ZNF728: variants seen among roughly 807,000 people sequenced by gnomAD.
The protein encoded by ZNF728 is zinc finger protein 728.
Under a neutral mutation model 12.5 loss-of-function variants are expected in ZNF728, and 12 were observed. That is an observed-to-expected ratio of 0.96 (90% CI 0.61 to 1.55). The LOEUF (loss-of-function observed/expected upper bound fraction) is 1.55, where lower values mean the gene tolerates loss of function less well. Among genes scored for constraint, ZNF728 ranks in the 40% most tolerant of loss-of-function variants. The pLI, the probability that ZNF728 is intolerant of heterozygous loss-of-function variation, is 0.00. For synonymous variants in ZNF728, 205 were observed against 240.7 expected, an observed-to-expected ratio of 0.85 and a Z score of 1.37; for missense variants, 692 against 719.2, an observed-to-expected ratio of 0.96 and a Z score of 0.43.
At chr19:22,994,080 T>C (rs899825908) in intron 1 of ZNF728, among the ~76,000 whole-genome samples, 2 of 152,164 alleles carry the variant, frequency 1.3e-5, no homozygotes, top group African/African-American at 2.4e-5. Context: ...TTACTCTGAT[T>C]GGGCCCCATG....
chr19:22,986,176 A>C (rs1371847194), intron 3 of ZNF728, among the ~76,000 whole-genome samples: 3 of 152,180 alleles, frequency 2.0e-5, no homozygotes, highest in Non-Finnish European at 4.4e-5. Flanking sequence ...TAAAAACTTT[A>C]AGAGGTGTTT....
At chr19:22,985,458 C>A (rs1968905733) in intron 3 of ZNF728, among the ~76,000 whole-genome samples, 1 of 152,162 alleles carries the variant, frequency 6.6e-6, no homozygotes, top group Non-Finnish European at 1.5e-5. Context: ...GAGACCCCAT[C>A]TCAAAAATAA....
rs140195691 is a variant in ZNF728 at position 22,996,695 on chromosome 19, G to C, written c.3+6333C>G. The stretch of plus-strand genomic sequence containing the variant: ...GATAAAGACAATTCTGAGTCAAAAA[G>C]AATGACAAAAGGTTTGTTTCATTGT... On this transcript the variant is annotated intron_variant, in intron 1 of 3. Transcript: ENST00000594710. 1.6e-4 allele frequency among the ~76,000 whole-genome samples: 24 copies of C among 152,216 alleles called. No individual in the cohort carries two copies. The East Asian group carries it at 4.2e-3, about 27-fold the overall frequency.
chr19:22,999,654 T>C (rs1413131779), intron 1 of ZNF728, among the ~76,000 whole-genome samples: 3 of 152,132 alleles, frequency 2.0e-5, no homozygotes, highest in Non-Finnish European at 4.4e-5. Flanking sequence ...CAAAAACATA[T>C]AAGAAAATTT....
At chr19:22,990,665 G>A (rs1158759049) in intron 1 of ZNF728, among the ~76,000 whole-genome samples, 3 of 151,296 alleles carry the variant, frequency 2.0e-5, no homozygotes, top group Non-Finnish European at 4.4e-5. Context: ...TAACTCTCAT[G>A]AATGTATTAT....
Position 22,976,527 on chromosome 19 carries a change from G to T in ZNF728, c.810C>A (p.Ser270Arg). Residue 270 changes from serine (S) to arginine (R), a missense_variant, in exon 4 of 4, where the codon AGC becomes AGA. Ser to Arg is a moderately radical substitution (Grantham distance 110). This residue lies in a region of ZNF728 where 440 missense variants were observed against 459.6 expected (regional missense o/e 0.96). Coordinates refer to ENST00000594710, the MANE Select transcript of ZNF728 (RefSeq NM_001267716.2). ...CATGACTTCTCTTATGTTCAATAAG[G>T]CTTGAGGACCGGGTGAAGGCTTTGC... ...ECGKAFTRSS[S>R]LIEHKRSHAG... 6.2e-7 allele frequency: 1 copy of T among 1,612,186 alleles called. No individual in the cohort carries two copies. The highest frequency in any genetic ancestry group is 1.1e-5 in the South Asian group (1 of 91,036).
intron 1 of ZNF728, among the ~76,000 whole-genome samples, chr19:22,988,822 C>T (rs113855428): frequency 0.011 from 1,629 of 152,082 alleles, 27 homozygotes; most frequent in African/African-American, 0.035. Flanking sequence ...GAGGCCAAGG[C>T]GGGCAGATCA....
chr19:22,994,123 A>T (rs996873989), intron 1 of ZNF728, among the ~76,000 whole-genome samples: 2 of 152,196 alleles, frequency 1.3e-5, no homozygotes, highest in African/African-American at 4.8e-5. Flanking sequence ...TGAGGACACA[A>T]GAGTCACTGA....
chr19:22,988,451 C>T lies in ZNF728; in HGVS notation c.4G>A (p.Gly2Arg), dbSNP rs746798924. ...GCCACATCCCGAAATGTCAACGATC[C>T]CTGGAAAACACACACAAACACACAT... Reference protein sequence around the residue: MGSLTFRDVAIQ... With the variant: MRSLTFRDVAIQ... The change falls in exon 2 of 4, where the codon GGA becomes AGA. Residue 2 changes from glycine (G) to arginine (R), a missense_variant and splice_region_variant. Physicochemically the swap from Gly to Arg is moderately radical, Grantham distance 125. This residue lies in a region of ZNF728 where 440 missense variants were observed against 459.6 expected (regional missense o/e 0.96). Transcript: ENST00000594710. The T allele has an allele frequency of 3.1e-6, 5 of 1,613,736 alleles. No homozygotes were observed. Among genetic ancestry groups the T allele is most frequent in the Non-Finnish European group, 4.2e-6 (5 of 1,179,882 alleles).
chr19:22,983,031 GC>G (rs1968876974), intron 3 of ZNF728, among the ~76,000 whole-genome samples: 2 of 152,026 alleles, frequency 1.3e-5, no homozygotes, highest in African/African-American at 4.8e-5. Context: ...AAACTAAAGA[GC>G]TTCTGCACAG....
intron 1 of ZNF728, 117 bp from the exon 2 acceptor site, chr19:22,988,568 T>C: frequency 1.4e-6 from 2 of 1,418,002 alleles, no homozygotes; most frequent in Non-Finnish European, 1.9e-6. Flanking sequence ...CAGGAGTGAC[T>C]GAAATCATTC....
chr19:22,998,382 T>C (rs1969071564), intron 1 of ZNF728, among the ~76,000 whole-genome samples: 1 of 150,440 alleles, frequency 6.6e-6, no homozygotes, highest in Non-Finnish European at 1.5e-5. Context: ...AAAGAAAAAT[T>C]AGCTAGGCAT....
chr19:22,979,817 T>A (rs1422155477), intron 3 of ZNF728, among the ~76,000 whole-genome samples: 3 of 152,002 alleles, frequency 2.0e-5, no homozygotes, highest in African/African-American at 7.2e-5. Context: ...ATGCTGAGAT[T>A]TTGTCACCAG....
intron 1 of ZNF728, 26 bp downstream of exon 1, chr19:23,003,002 C>A (rs765712024): frequency 6.3e-7 from 1 of 1,586,148 alleles, no homozygotes; most frequent in Non-Finnish European, 8.6e-7. Context: ...GCCACTCTCT[C>A]GGGATGTCGG....
chr19:23,001,313 T>C (rs1969111775), intron 1 of ZNF728, among the ~76,000 whole-genome samples: 1 of 152,192 alleles, frequency 6.6e-6, no homozygotes, highest in African/African-American at 2.4e-5. Flanking sequence ...AAAGACAATA[T>C]TAATATCTCA....
intron 3 of ZNF728, among the ~76,000 whole-genome samples, chr19:22,984,296 C>T (rs1034287281): frequency 1.3e-5 from 2 of 151,770 alleles, no homozygotes; most frequent in African/African-American, 2.4e-5. Context: ...GGGTGGCTCA[C>T]GCCTGTAATC....
intron 1 of ZNF728, 96 bp from the exon 2 acceptor site, chr19:22,988,547 A>G (rs1341887838): frequency 1.3e-6 from 2 of 1,536,464 alleles, no homozygotes; most frequent in Admixed American, 4.0e-5. Context: ...AAAAGAGCTC[A>G]TTCTGACTTA....
At chr19:22,996,915 GCA>G (rs952505994) in intron 1 of ZNF728, among the ~76,000 whole-genome samples, 3 of 152,062 alleles carry the variant, frequency 2.0e-5, no homozygotes, top group South Asian at 2.1e-4. Flanking sequence ...TCTGAATTTT[GCA>G]CAGTGTGTGC....
chr19:22,990,360 C>CTT (rs986585437), intron 1 of ZNF728, among the ~76,000 whole-genome samples: 3 of 152,104 alleles, frequency 2.0e-5, no homozygotes, highest in Admixed American at 6.6e-5. Context: ...GAGAAGATGC[C>CTT]TTTAAAAGAG....
Sources: gnomAD v4.1 joint callset for allele counts (sites outside exome capture counted in the v4.1 genomes callset) on GRCh38, gnomAD v4.1.1 for gene constraint, gnomAD v4.1.1 regional missense constraint, MANE v1.5 for transcripts, NCBI Gene and HGNC (gene_info 2026-07-23, HGNC 2026-07-21) for gene names.